Variants in DACH1 observed in about 807,000 individuals in gnomAD.
DACH1 encodes the protein dachshund homolog 1.
Under a neutral mutation model 54.2 loss-of-function variants are expected in DACH1, and 12 were observed. That is an observed-to-expected ratio of 0.22 (90% confidence interval 0.14 to 0.36). DACH1 has a LOEUF of 0.36. Ranked by LOEUF, DACH1 falls within the 10% of genes least tolerant of loss-of-function variation. DACH1 has a pLI of 1.00. For missense variants in DACH1, 805 were observed against 929.8 expected (o/e 0.87, Z 1.75); for synonymous variants, 386 against 366.2 (o/e 1.05, Z -0.62).
chr13:71,841,195 T>C (rs1872814902), intron 1 of DACH1, among the ~76,000 whole-genome samples: 1 of 152,152 alleles, frequency 6.6e-6, no homozygotes, highest in South Asian at 2.1e-4. Context: ...TCTGATGCAA[T>C]ATTTTCTTCC....
intron 6 of DACH1, among the ~76,000 whole-genome samples, chr13:71,530,438 G>C (rs942887815): frequency 6.6e-6 from 1 of 151,374 alleles, no homozygotes; most frequent in Non-Finnish European, 1.5e-5. Flanking sequence ...TTTGGACAAG[G>C]ACAAAGACAC....
intron 1 of DACH1, among the ~76,000 whole-genome samples, chr13:71,798,362 A>C (rs1462211561): frequency 1.7e-5 from 2 of 116,724 alleles, no homozygotes; most frequent in South Asian, 2.6e-4. Flanking sequence ...ATATATATAT[A>C]TCCATTACCT....
At chr13:71,583,779 G>A (rs1857996422) in intron 3 of DACH1, among the ~76,000 whole-genome samples, 1 of 152,096 alleles carries the variant, frequency 6.6e-6, no homozygotes, top group South Asian at 2.1e-4. Flanking sequence ...AGGCTGCAGT[G>A]AGCCATGACC....
At chr13:71,705,615 G>C (rs1882403089) in intron 1 of DACH1, among the ~76,000 whole-genome samples, 1 of 152,114 alleles carries the variant, frequency 6.6e-6, no homozygotes, top group African/African-American at 2.4e-5. Context: ...TGAATGTATA[G>C]GCAGATAGGC....
At chr13:71,652,187 G>A (rs1045526828) in intron 2 of DACH1, among the ~76,000 whole-genome samples, 130 of 152,250 alleles carry the variant, frequency 8.5e-4, no homozygotes, top group African/African-American at 3.0e-3. Context: ...GAACAGTGAG[G>A]CTGCCTCCTC....
chr13:71,567,667 G>T (rs1404810825), intron 4 of DACH1, among the ~76,000 whole-genome samples: 1 of 151,954 alleles, frequency 6.6e-6, no homozygotes, highest in Non-Finnish European at 1.5e-5. Context: ...ACAACCTAAT[G>T]GGGTAGTGCT....
intron 2 of DACH1, among the ~76,000 whole-genome samples, chr13:71,663,663 C>T (rs1411223865): frequency 1.3e-5 from 2 of 151,920 alleles, no homozygotes; most frequent in Non-Finnish European, 2.9e-5. Flanking sequence ...ACCCAAATCT[C>T]CTTAAGAAAG....
chr13:71,611,078 A>T (rs974968503), intron 3 of DACH1, among the ~76,000 whole-genome samples: 7 of 152,184 alleles, frequency 4.6e-5, no homozygotes, highest in African/African-American at 1.7e-4. Context: ...CAGGCAGTGT[A>T]TAAGCAGTCC....
intron 3 of DACH1, among the ~76,000 whole-genome samples, chr13:71,575,983 C>T (rs1885503816): frequency 6.6e-6 from 1 of 152,010 alleles, no homozygotes; most frequent in Non-Finnish European, 1.5e-5. Flanking sequence ...AGAACAAGAC[C>T]TGCCCACAGT....
chr13:71,738,243 G>T (rs1884224399), intron 1 of DACH1, among the ~76,000 whole-genome samples: 1 of 152,138 alleles, frequency 6.6e-6, no homozygotes, highest in Non-Finnish European at 1.5e-5. Flanking sequence ...GCAAATCTCA[G>T]TCTTGAGAAA....
chr13:71,526,561 C>T lies in DACH1; in HGVS notation c.1570+30463G>A, dbSNP rs187240095. ...CCTACTTCCAAAAGTCATTTTTGAA[C>T]TCAGAGAATTAGTGCATGTAACTTT... On this transcript the variant is annotated intron_variant, in intron 6 of 10. Transcript: ENST00000613252. Among the ~76,000 whole-genome samples, 6 of 152,070 alleles carry T rather than the reference C, an allele frequency of 3.9e-5. No individual in the cohort carries two copies. The East Asian group carries it at 1.2e-3, about 29-fold the overall frequency.
At chr13:71,584,800 G>A (rs958856483) in intron 3 of DACH1, among the ~76,000 whole-genome samples, 29 of 152,050 alleles carry the variant, frequency 1.9e-4, no homozygotes, top group African/African-American at 7.0e-4. Context: ...CCAAAATTAA[G>A]TTAACCCTGC....
intron 6 of DACH1, among the ~76,000 whole-genome samples, chr13:71,497,879 C>CACACACACACACACAGATACACAG (rs1367309793): frequency 1.3e-5 from 2 of 150,832 alleles, no homozygotes; most frequent in African/African-American, 4.9e-5. Context: ...CACACACACA[C>CACACACACACACACAGATACACAG]ACACACACAC....
rs374768908 is a variant in DACH1, at chr13:71,557,162, T to C, written c.1436-4A>G. 7 of 1,596,278 alleles carry C rather than the reference T, an allele frequency of 4.4e-6. No individual in the cohort carries two copies. Among genetic ancestry groups the C allele is most frequent in the Non-Finnish European group, 6.0e-6 (7 of 1,174,088 alleles). On this transcript the variant is annotated splice_region_variant and splice_polypyrimidine_tract_variant and intron_variant, in intron 5 of 10. Transcript: ENST00000613252. ...GACAACCCATTCTGATGGACCGCTA[T>C]TATGGCCCAAAAGAAAACAAACAAA...
chr13:71,559,850 C>T lies in DACH1; in HGVS notation c.1405G>A (p.Ala469Thr), dbSNP rs1053581707. ...CTGTCAGAAGAGCTCTCAGTCCGAG[C>T]AGGGGAGCTGGACACGCTGCTGCTG... ...HRSSSVSSSPARTESSSDRIP... is the reference protein window; with the variant it reads ...HRSSSVSSSPTRTESSSDRIP... The change falls in exon 5 of 11, where the codon GCT becomes ACT. Residue 469 changes from alanine (A) to threonine (T), a missense_variant. By Grantham distance (58) the Ala-to-Thr change is moderately conservative. This residue lies in a region of DACH1 where 472 missense variants were observed against 545.3 expected (regional missense o/e 0.87). Coordinates refer to ENST00000613252, the MANE Select transcript of DACH1 (RefSeq NM_080759.6). The T allele has an allele frequency of 6.2e-7, 1 of 1,613,682 alleles. No individual in the cohort carries two copies. Among genetic ancestry groups the T allele is most frequent in the Non-Finnish European group, 8.5e-7 (1 of 1,179,858 alleles).
chr13:71,475,161 T>C lies in DACH1; in HGVS notation c.2063A>G (p.Asp688Gly). Residue 688 changes from aspartate (D) to glycine (G), a missense_variant, in exon 10 of 11, where the codon GAT becomes GGT. Asp to Gly is a moderately conservative substitution (Grantham distance 94). Around this residue, in one of 3 missense-constraint regions of DACH1, gnomAD observed 472 missense variants for 545.3 expected, o/e 0.87. Coordinates refer to ENST00000613252, the MANE Select transcript of DACH1 (RefSeq NM_080759.6). ...IEADRSGGRT[D>G]AERTIQDGRL... ...CCTACCTTGTATTGTCCTTTCAGCA[T>C]CTGTTCTGCCGCCACTGCGGTCAGC... is the stretch of plus-strand genomic sequence containing the variant. The C allele has an allele frequency of 6.2e-7, 1 of 1,613,996 alleles. No homozygotes were observed. The highest frequency in any genetic ancestry group is 8.5e-7 in the Non-Finnish European group (1 of 1,179,902).
At chr13:71,505,332 C>T (rs779961859) in intron 6 of DACH1, among the ~76,000 whole-genome samples, 7 of 152,198 alleles carry the variant, frequency 4.6e-5, no homozygotes, top group Admixed American at 1.3e-4. Flanking sequence ...CCACCCACCT[C>T]GGCCTCCCAA....
rs550533957 is a variant in DACH1 at position 71,634,159 on chromosome 13, G to A, written c.965-3442C>T. ...AGCTCATTTTTGTATTTTTTGTAGA[G>A]ACGGGGTTTCACCATGTTGGCCAGG... On this transcript the variant is annotated intron_variant, in intron 2 of 10. Coordinates refer to ENST00000613252, the MANE Select transcript of DACH1 (RefSeq NM_080759.6). Among the ~76,000 whole-genome samples the A allele has an allele frequency of 1.7e-3, 256 of 151,998 alleles. 1 individual carries two copies. Among genetic ancestry groups the A allele is most frequent in the Non-Finnish European group, 2.8e-3 (190 of 67,946 alleles).
chr13:71,571,798 C>T (rs140837202), intron 4 of DACH1, among the ~76,000 whole-genome samples: 4 of 149,454 alleles, frequency 2.7e-5, no homozygotes, highest in Admixed American at 6.7e-5. Flanking sequence ...TGCAGTGGCA[C>T]GATCTCAGCT....
Sources: gnomAD v4.1 joint callset for allele counts (sites outside exome capture counted in the v4.1 genomes callset) on GRCh38, gnomAD v4.1.1 for gene constraint, gnomAD v4.1.1 regional missense constraint, MANE v1.5 for transcripts, NCBI Gene and HGNC (gene_info 2026-07-23, HGNC 2026-07-21) for gene names.